Variants in ALX4 observed in about 807,000 individuals in gnomAD.
ALX4 encodes the protein ALX homeobox 4.
Under a neutral mutation model 40.6 loss-of-function variants are expected in ALX4, and 22 were observed. The observed-to-expected ratio is 0.54, with a 90% confidence interval of 0.39 to 0.77. The LOEUF (loss-of-function observed/expected upper bound fraction) is 0.77, where lower values mean the gene tolerates loss of function less well. ALX4 is among the 30% of genes least tolerant of loss of function. The pLI is 0.00. For synonymous variants in ALX4, 266 were observed against 240.5 expected (o/e 1.11, Z -0.98); for missense variants, 556 against 564.8 (o/e 0.98, Z 0.16).
chr11:44,307,893 C>T (rs982248587), intron 1 of ALX4, among the ~76,000 whole-genome samples: 6 of 146,702 alleles, frequency 4.1e-5, no homozygotes, highest in Admixed American at 6.8e-5. Flanking sequence ...TGTGGGTGTC[C>T]GTGTGTGGAG....
intron 1 of ALX4, among the ~76,000 whole-genome samples, chr11:44,283,457 A>T (rs1007382368): frequency 4.6e-5 from 7 of 152,226 alleles, no homozygotes; most frequent in African/African-American, 1.7e-4. Context: ...TCATAGTTTA[A>T]TATGTAGGAA....
At chr11:44,286,210 C>T (rs1956337853) in intron 1 of ALX4, among the ~76,000 whole-genome samples, 1 of 152,184 alleles carries the variant, frequency 6.6e-6, no homozygotes, top group African/African-American at 2.4e-5. Flanking sequence ...TCGAGGAAAC[C>T]AGCCACAGCG....
intron 1 of ALX4, among the ~76,000 whole-genome samples, chr11:44,281,743 T>G (rs1241521835): frequency 2.0e-5 from 3 of 152,128 alleles, no homozygotes; most frequent in African/African-American, 7.2e-5. Flanking sequence ...CATCTGACAC[T>G]GGGGTCTGTC....
rs1374879200 is a variant in ALX4, at chr11:44,266,068, C to G, written c.907-885G>C. ...CCTGCCCTCCTGCATGTGTCTGGAG[C>G]ACACTCGAGGGAGGCATTTTAAAGC... On this transcript the variant is annotated intron_variant, in intron 3 of 3. Coordinates refer to ENST00000652299, the MANE Select transcript of ALX4 (RefSeq NM_021926.4). Among the ~76,000 whole-genome samples, 5 of 151,734 alleles carry G rather than the reference C, an allele frequency of 3.3e-5. No individual in the cohort carries two copies. The East Asian group carries it at 9.8e-4, about 30-fold the overall frequency.
At chr11:44,270,536 C>T (rs182384846) in intron 2 of ALX4, among the ~76,000 whole-genome samples, 22 of 152,228 alleles carry the variant, frequency 1.4e-4, no homozygotes, top group African/African-American at 4.8e-4. Flanking sequence ...GGTATCCTCA[C>T]GACCCCTTCT....
At position 44,296,292 on chromosome 11, in the gene ALX4, G is replaced by A. The variant is rs144240262; in HGVS notation, c.466+13305C>T. On this transcript the variant is annotated intron_variant, in intron 1 of 3. Transcript: ENST00000652299. ...ATGAAGTTGGAGAGCCTTATGTTAC[G>A]TCATATTCAAAATTAAAGTCATCAA... Among the ~76,000 whole-genome samples, 196 of 152,264 alleles carry A rather than the reference G, an allele frequency of 1.3e-3. 1 individual carries two copies. Among genetic ancestry groups the A allele is most frequent in the African/African-American group, 4.4e-3 (183 of 41,564 alleles).
chr11:44,271,071 G>A (rs889079016), intron 2 of ALX4, among the ~76,000 whole-genome samples: 6 of 151,838 alleles, frequency 4.0e-5, no homozygotes, highest in South Asian at 2.1e-4. Flanking sequence ...ACCACTCTAC[G>A]CCAGGCACCT....
At chr11:44,288,349 AG>A (rs1232199358) in intron 1 of ALX4, among the ~76,000 whole-genome samples, 1 of 152,234 alleles carries the variant, frequency 6.6e-6, no homozygotes, top group Non-Finnish European at 1.5e-5. Context: ...TCAGCATAAA[AG>A]GCATCTGGGA....
At chr11:44,304,289 G>A (rs382987) in intron 1 of ALX4, among the ~76,000 whole-genome samples, 2 of 152,228 alleles carry the variant, frequency 1.3e-5, no homozygotes, top group Admixed American at 6.5e-5. Flanking sequence ...GGTGCAGGAC[G>A]GCGCTCTTAC....
At chr11:44,305,355 A>T (rs1274601513) in intron 1 of ALX4, among the ~76,000 whole-genome samples, 3 of 152,212 alleles carry the variant, frequency 2.0e-5, no homozygotes, top group Non-Finnish European at 4.4e-5. Context: ...CTGGTGAAGC[A>T]GGCTATGGAA....
intron 1 of ALX4, among the ~76,000 whole-genome samples, chr11:44,292,921 C>T (rs1179456635): frequency 6.6e-6 from 1 of 151,714 alleles, no homozygotes; most frequent in Non-Finnish European, 1.5e-5. Context: ...CACAGTAAGA[C>T]CCCCATCTCT....
intron 1 of ALX4, among the ~76,000 whole-genome samples, chr11:44,287,942 G>A (rs891011781): frequency 6.6e-6 from 1 of 152,220 alleles, no homozygotes; most frequent in African/African-American, 2.4e-5. Flanking sequence ...TAGAGGCAAA[G>A]AGGCATATGA....
At chr11:44,267,143 C>T (rs999086910) in intron 3 of ALX4, among the ~76,000 whole-genome samples, 2 of 152,156 alleles carry the variant, frequency 1.3e-5, no homozygotes, top group Admixed American at 6.5e-5. Flanking sequence ...TTTCAGAGCT[C>T]GCTTTCTGAA....
chr11:44,279,854 C>T (rs1275849354), intron 1 of ALX4, among the ~76,000 whole-genome samples: 1 of 151,940 alleles, frequency 6.6e-6, no homozygotes, highest in Non-Finnish European at 1.5e-5. Flanking sequence ...TGCCGTTTGT[C>T]CCTTCTCAGC....
chr11:44,264,557 C>A lies in ALX4; in HGVS notation c.*297G>T. 1 of 513,608 alleles carries A rather than the reference C, an allele frequency of 1.9e-6. No individual in the cohort carries two copies. Among genetic ancestry groups the A allele is most frequent in the East Asian group, 3.3e-5 (1 of 29,854 alleles). 31.8% of individuals were successfully genotyped at this position (513,608 alleles called of 1,614,324 possible). On this transcript the variant is annotated 3_prime_UTR_variant, in exon 4 of 4. Coordinates refer to ENST00000652299, the MANE Select transcript of ALX4 (RefSeq NM_021926.4). ...AGAGGAGTGGGCGGGAGCAAGAAAG[C>A]GCTTTCAGCTTATCATGGATGCGAA...
chr11:44,271,032 G>A (rs1956243630), intron 2 of ALX4, among the ~76,000 whole-genome samples: 1 of 152,148 alleles, frequency 6.6e-6, no homozygotes, highest in South Asian at 2.1e-4. Flanking sequence ...CCATCTTGGG[G>A]CCCCCATTGC....
intron 1 of ALX4, among the ~76,000 whole-genome samples, chr11:44,301,839 G>A (rs1956436402): frequency 6.6e-6 from 1 of 152,214 alleles, no homozygotes; most frequent in Non-Finnish European, 1.5e-5. Flanking sequence ...GGCACAGACA[G>A]TGCCAAGGAC....
chr11:44,295,690 C>T (rs1956398892), intron 1 of ALX4, among the ~76,000 whole-genome samples: 1 of 152,366 alleles, frequency 6.6e-6, no homozygotes. Context: ...AGCATGGAGC[C>T]ACTGGATGCT....
intron 1 of ALX4, among the ~76,000 whole-genome samples, chr11:44,284,806 T>C (rs1046117182): frequency 2.6e-5 from 4 of 151,762 alleles, no homozygotes; most frequent in African/African-American, 9.7e-5. Context: ...GATAGCTTTC[T>C]CTGTAACTTT....
Sources: allele counts gnomAD v4.1 joint callset (sites outside exome capture counted in the v4.1 genomes callset), GRCh38; gene constraint gnomAD v4.1.1; transcripts MANE v1.5; gene names NCBI Gene and HGNC (gene_info 2026-07-23, HGNC 2026-07-21).